TNRC18: variants seen among roughly 807,000 people sequenced by gnomAD.
The protein encoded by TNRC18 is trinucleotide repeat containing 18, also known as trinucleotide repeat-containing gene 18 protein.
In TNRC18, 69 loss-of-function variants were observed where a neutral mutation model predicts 226.7. That is an observed-to-expected ratio of 0.30 (90% CI 0.25 to 0.37). The LOEUF (loss-of-function observed/expected upper bound fraction) is 0.37, where lower values mean the gene tolerates loss of function less well. Among genes scored for constraint, TNRC18 ranks in the 10% least tolerant of loss-of-function variants. The pLI, the probability that TNRC18 is intolerant of heterozygous loss-of-function variation, is 1.00. For missense variants in TNRC18, 4,754 were observed against 4,256.6 expected, an observed-to-expected ratio of 1.12 and a Z score of -3.25; for synonymous variants, 2,449 against 1,927.6, an observed-to-expected ratio of 1.27 and a Z score of -7.09.
chr7:5,374,587 C>A (rs1794468384), intron 9 of TNRC18, 103 bp from the exon 10 acceptor site: 1 of 1,242,378 alleles, frequency 8.0e-7, no homozygotes, highest in African/African-American at 1.6e-5. Flanking sequence ...CCGAGGAGAA[C>A]CTCATGCAGG....
chr7:5,380,288 CAT>C (rs1779309465), intron 5 of TNRC18, among the ~76,000 whole-genome samples: 1 of 152,154 alleles, frequency 6.6e-6, no homozygotes, highest in African/African-American at 2.4e-5. Context: ...TCTACAAAAA[CAT>C]AAAAAATTAG....
At chr7:5,385,464 C>A (rs1314979045) in intron 5 of TNRC18, among the ~76,000 whole-genome samples, 6 of 128,710 alleles carry the variant, frequency 4.7e-5, no homozygotes, top group African/African-American at 1.4e-4. Context: ...GTCCGCAGTC[C>A]GGCCTGGGCG....
At chr7:5,314,563 CTTTTTTTTTTT>C (rs67183154) in intron 26 of TNRC18, among the ~76,000 whole-genome samples, 3 of 79,694 alleles carry the variant, frequency 3.8e-5, no homozygotes, top group Admixed American at 1.3e-4. Flanking sequence ...GAGTTCTCTT[CTTTTTTTTTTT>C]TTTTTTTTTT....
At chr7:5,316,606 G>T (rs1427352978) in intron 24 of TNRC18, among the ~76,000 whole-genome samples, 1 of 151,964 alleles carries the variant, frequency 6.6e-6, no homozygotes, top group Non-Finnish European at 1.5e-5. Context: ...GCTGACTTTG[G>T]GTGACACAAG....
In TNRC18 at chr7:5,334,241, G is replaced by A. The variant is rs181384243; in HGVS notation, c.5720-1192C>T. Among the ~76,000 whole-genome samples, 11 of 152,312 alleles carry A rather than the reference G, an allele frequency of 7.2e-5. No homozygotes were observed. The East Asian group carries it at 9.6e-4, about 13-fold the overall frequency. ...TGAAGCCACAGCAACAGGGGCTGGC[G>A]GGGGCTGCCCAGTGGGAAAAAGTCA... On this transcript the variant is annotated intron_variant, in intron 18 of 29. Coordinates refer to ENST00000430969, the MANE Select transcript of TNRC18 (RefSeq NM_001080495.3).
intron 12 of TNRC18, among the ~76,000 whole-genome samples, chr7:5,362,420 C>T (rs141082582): frequency 7.0e-4 from 107 of 152,230 alleles, no homozygotes; most frequent in East Asian, 5.4e-3. Context: ...TGGATCACAC[C>T]GCGACCTGTG....
At chr7:5,364,950 C>G in intron 11 of TNRC18, among the ~76,000 whole-genome samples, 1 of 151,930 alleles carries the variant, frequency 6.6e-6, no homozygotes, top group South Asian at 2.1e-4. Flanking sequence ...ACTGCCATCT[C>G]TAAAGGTCAA....
chr7:5,362,952 GAC>G (rs1247231513), intron 11 of TNRC18, 127 bp from the exon 12 acceptor site: 2 of 937,456 alleles, frequency 2.1e-6, no homozygotes, highest in East Asian at 5.8e-5. Context: ...GTGCTGAGTA[GAC>G]AGAGGCCTTT....
chr7:5,343,874 C>T (rs543864342), intron 18 of TNRC18, among the ~76,000 whole-genome samples: 10 of 152,304 alleles, frequency 6.6e-5, no homozygotes, highest in African/African-American at 1.7e-4. Context: ...CTGTGATATT[C>T]GCTTTATGGT....
At chr7:5,417,925 G>T (rs973790921) in intron 2 of TNRC18, among the ~76,000 whole-genome samples, 24 of 152,290 alleles carry the variant, frequency 1.6e-4, no homozygotes, top group Non-Finnish European at 2.8e-4. Context: ...CCTGGAGAAG[G>T]CCCGTGGCCC....
At chr7:5,374,843 C>T (rs953486233) in intron 9 of TNRC18, among the ~76,000 whole-genome samples, 2 of 152,228 alleles carry the variant, frequency 1.3e-5, no homozygotes, top group African/African-American at 4.8e-5. Context: ...ACCTCGATGG[C>T]ATTGGGCGCA....
rs1786927289 is a variant in TNRC18, at chr7:5,309,137, C to A, written c.8620G>T (p.Gly2874Cys). 6.2e-7 allele frequency: 1 copy of A among 1,608,454 alleles called. No individual in the cohort carries two copies. Among genetic ancestry groups the A allele is most frequent in the Admixed American group, 1.7e-5 (1 of 59,446 alleles). Reference sequence around the variant, plus strand: ...CAGCCGGGCCGCAGGCTCACCTGGCCCTGGTGGAACTGCTTGCCCGGGCTG... The same window carrying A: ...CAGCCGGGCCGCAGGCTCACCTGGCACTGGTGGAACTGCTTGCCCGGGCTG... ...ETSPGKQFHQ[G>C]QHWDQKSSRS... is the part of the protein sequence containing the mutation. Residue 2874 changes from glycine to cysteine, a missense_variant, in exon 28 of 30, where the codon GGC becomes TGC. Physicochemically the swap from Gly to Cys is radical, Grantham distance 159. Transcript: ENST00000430969. This position sits in a 1 kb window ranked among gnomAD's most constrained non-coding sequence, Gnocchi z 5.7.
At chr7:5,316,274 C>CTTT (rs1278896095) in intron 24 of TNRC18, among the ~76,000 whole-genome samples, 8,488 of 86,304 alleles carry the variant, frequency 0.098, 916 homozygotes, top group Admixed American at 0.13. Flanking sequence ...AGAAATGGGT[C>CTTT]TTTTTTTTTT....
intron 11 of TNRC18, among the ~76,000 whole-genome samples, chr7:5,369,243 G>A (rs1445329818): frequency 6.6e-6 from 1 of 152,188 alleles, no homozygotes; most frequent in African/African-American, 2.4e-5. Context: ...AGCTACCTGG[G>A]AGGCTGAAGT....
intron 2 of TNRC18, among the ~76,000 whole-genome samples, chr7:5,411,775 A>G (rs1015569625): frequency 2.0e-5 from 3 of 152,110 alleles, no homozygotes; most frequent in African/African-American, 7.2e-5. Context: ...CAGCACACCC[A>G]AGAACCGGGC....
chr7:5,360,719 C>T (rs1792944941), intron 14 of TNRC18, among the ~76,000 whole-genome samples: 1 of 147,026 alleles, frequency 6.8e-6, no homozygotes, highest in Admixed American at 6.6e-5. Flanking sequence ...GCTCTCCCTG[C>T]CCCTGCTGCG....
At chr7:5,316,378 C>T (rs1787853799) in intron 24 of TNRC18, among the ~76,000 whole-genome samples, 1 of 145,310 alleles carries the variant, frequency 6.9e-6, no homozygotes, top group Non-Finnish European at 1.5e-5. Context: ...CTCCCGGGTT[C>T]AAGTGATTCT....
chr7:5,418,119 A>G (rs1187532746), intron 2 of TNRC18, among the ~76,000 whole-genome samples: 1 of 152,086 alleles, frequency 6.6e-6, no homozygotes, highest in Non-Finnish European at 1.5e-5. Flanking sequence ...CCAAGTACAA[A>G]ATCCTACTAA....
intron 24 of TNRC18, among the ~76,000 whole-genome samples, chr7:5,316,488 A>G (rs1787863705): frequency 6.6e-6 from 1 of 151,984 alleles, no homozygotes; most frequent in Non-Finnish European, 1.5e-5. Context: ...CATGTTGGTC[A>G]GGCTGGTCTC....
Sources: gnomAD v4.1 joint callset for allele counts (sites outside exome capture counted in the v4.1 genomes callset) on GRCh38, gnomAD v4.1.1 for gene constraint, Gnocchi (gnomAD v3.1) non-coding constraint, MANE v1.5 for transcripts, NCBI Gene and HGNC (gene_info 2026-07-23, HGNC 2026-07-21) for gene names.